KALRN: variants seen among roughly 807,000 people sequenced by gnomAD.
KALRN encodes kalirin RhoGEF kinase, also known as kalirin.
In KALRN, 70 loss-of-function variants were observed where a neutral mutation model predicts 353.7. The observed-to-expected ratio is 0.20, with a 90% CI of 0.16 to 0.24. KALRN has a LOEUF of 0.24. Ranked by LOEUF, KALRN falls within the 10% of genes least tolerant of loss-of-function variation. The pLI, the probability that KALRN is intolerant of heterozygous loss-of-function variation, is 1.00. For missense variants in KALRN, 2,791 were observed against 3,756.7 expected (o/e 0.74, Z 6.72); for synonymous variants, 1,391 against 1,434.8 (o/e 0.97, Z 0.69).
chr3:124,590,229 G>A (rs2149350963), intron 34 of KALRN, among the ~76,000 whole-genome samples: 1 of 152,228 alleles, frequency 6.6e-6, no homozygotes, highest in Non-Finnish European at 1.5e-5. Flanking sequence ...AGTACTGACT[G>A]CCAGTCAAAC....
intron 8 of KALRN, among the ~76,000 whole-genome samples, chr3:124,332,254 C>T (rs192912410): frequency 6.6e-6 from 1 of 152,136 alleles, no homozygotes; most frequent in East Asian, 1.9e-4. Context: ...GCAGGAGTAA[C>T]ATCTGCTTCT....
chr3:124,064,248 A>G (rs933619983), intron 1 of KALRN, among the ~76,000 whole-genome samples: 2 of 152,130 alleles, frequency 1.3e-5, no homozygotes, highest in African/African-American at 4.8e-5. Context: ...GACTGAGCTC[A>G]GGAGGTGATT....
At chr3:124,529,497 G>A (rs911536870) in intron 33 of KALRN, among the ~76,000 whole-genome samples, 2 of 152,070 alleles carry the variant, frequency 1.3e-5, no homozygotes, top group African/African-American at 4.8e-5. Context: ...GGCCAGGGTC[G>A]TTTAACAGGT....
At chr3:124,233,495 G>A (rs1057194422) in intron 2 of KALRN, among the ~76,000 whole-genome samples, 1 of 152,174 alleles carries the variant, frequency 6.6e-6, no homozygotes, top group East Asian at 1.9e-4. Flanking sequence ...GGCAGTGGTG[G>A]TGGTGCTGAA....
At chr3:124,040,612 G>A (rs1313312640) in intron 1 of KALRN, among the ~76,000 whole-genome samples, 2 of 152,194 alleles carry the variant, frequency 1.3e-5, no homozygotes, top group Non-Finnish European at 2.9e-5. Flanking sequence ...ACAGGCTTTG[G>A]ATGGAATAGG....
At chr3:124,091,561 AAAG>A (rs1369106923) in intron 1 of KALRN, among the ~76,000 whole-genome samples, 52 of 152,324 alleles carry the variant, frequency 3.4e-4, no homozygotes, top group Middle Eastern at 6.8e-3. Flanking sequence ...AGTGCCAAGG[AAAG>A]AAGAAGGAAC....
intron 2 of KALRN, among the ~76,000 whole-genome samples, chr3:124,234,051 C>T (rs980442112): frequency 6.6e-6 from 1 of 152,144 alleles, no homozygotes; most frequent in African/African-American, 2.4e-5. Flanking sequence ...AGCAACGATC[C>T]AAAATCCTGG....
At chr3:124,377,226 A>T (rs2086708836) in intron 10 of KALRN, among the ~76,000 whole-genome samples, 1 of 152,240 alleles carries the variant, frequency 6.6e-6, no homozygotes, top group African/African-American at 2.4e-5. Flanking sequence ...CAATGCTTAC[A>T]GATAATGTCG....
chr3:124,596,538 T>C (rs1003124475), intron 34 of KALRN, among the ~76,000 whole-genome samples: 2 of 152,152 alleles, frequency 1.3e-5, no homozygotes, highest in African/African-American at 4.8e-5. Flanking sequence ...ATATAAAAAT[T>C]GAGATGCTTT....
At chr3:124,533,750 A>G (rs1311491020) in intron 33 of KALRN, among the ~76,000 whole-genome samples, 2 of 152,236 alleles carry the variant, frequency 1.3e-5, no homozygotes, top group African/African-American at 4.8e-5. Flanking sequence ...CACTGGCAAG[A>G]GCATTACTAA....
chr3:124,144,338 T>C (rs2067011355), intron 1 of KALRN, among the ~76,000 whole-genome samples: 1 of 152,040 alleles, frequency 6.6e-6, no homozygotes, highest in South Asian at 2.1e-4. Context: ...AGTCTGAGCT[T>C]AGCTAAATTT....
At chr3:124,191,588 CT>C (rs2074924881) in intron 1 of KALRN, among the ~76,000 whole-genome samples, 1 of 152,182 alleles carries the variant, frequency 6.6e-6, no homozygotes, top group South Asian at 2.1e-4. Flanking sequence ...GCTGGAATGT[CT>C]AAGATGGTTT....
chr3:124,485,090 C>T lies in KALRN; in HGVS notation c.4284+2190C>T, dbSNP rs144181320. Among the ~76,000 whole-genome samples the T allele has an allele frequency of 4.1e-3, 621 of 151,900 alleles. 10 individuals are homozygous for T. The highest frequency in any genetic ancestry group is 0.014 in the African/African-American group (587 of 41,420). On this transcript the variant is annotated intron_variant, in intron 28 of 59. Coordinates refer to ENST00000682506, the MANE Select transcript of KALRN (RefSeq NM_001388419.1). ...CACCCTGGGCAACAGGGTGAGACTC[C>T]GTCTCAAAAAAAATAAATGAATAAA...
intron 33 of KALRN, among the ~76,000 whole-genome samples, chr3:124,523,025 C>G (rs1255514605): frequency 1.3e-5 from 2 of 152,156 alleles, no homozygotes; most frequent in East Asian, 3.8e-4. Flanking sequence ...TAACGTAATA[C>G]TTTTATAAGC....
chr3:124,527,433 C>A (rs2067681759), intron 33 of KALRN, among the ~76,000 whole-genome samples: 1 of 151,880 alleles, frequency 6.6e-6, no homozygotes, highest in Non-Finnish European at 1.5e-5. Context: ...CACGGTGAAA[C>A]CCCGTCTCTA....
At chr3:124,612,327 C>T (rs1329797165) in intron 34 of KALRN, among the ~76,000 whole-genome samples, 2 of 152,210 alleles carry the variant, frequency 1.3e-5, no homozygotes, top group Non-Finnish European at 2.9e-5. Context: ...CCTCAGCCTC[C>T]CAAGTAGCTG....
intron 45 of KALRN, among the ~76,000 whole-genome samples, chr3:124,664,364 T>TGCGCGCGC (rs769865594): frequency 1.7e-4 from 22 of 127,028 alleles, no homozygotes; most frequent in East Asian, 2.7e-4. Flanking sequence ...TGTGTGTGTG[T>TGCGCGCGC]GTGTGTGCGC....
At chr3:124,662,615 C>T (rs1331576631) in intron 45 of KALRN, among the ~76,000 whole-genome samples, 2 of 152,130 alleles carry the variant, frequency 1.3e-5, no homozygotes, top group Non-Finnish European at 2.9e-5. Flanking sequence ...AGTTAAAACT[C>T]TAAAACATTA....
chr3:124,157,134 A>G (rs1385513392), intron 1 of KALRN, among the ~76,000 whole-genome samples: 1 of 152,200 alleles, frequency 6.6e-6, no homozygotes, highest in Admixed American at 6.5e-5. Flanking sequence ...TTATCTCTCT[A>G]GAGATATTTT....
Sources: allele counts gnomAD v4.1 joint callset (sites outside exome capture counted in the v4.1 genomes callset), GRCh38; gene constraint gnomAD v4.1.1; transcripts MANE v1.5; gene names NCBI Gene and HGNC (gene_info 2026-07-23, HGNC 2026-07-21).